Variants in PPP4R3B observed in about 807,000 individuals in gnomAD.
PPP4R3B encodes the protein serine/threonine-protein phosphatase 4 regulatory subunit 3B.
PPP4R3B carries 52 observed loss-of-function variants against 95.4 expected under a neutral mutation model. The ratio of observed to expected loss-of-function variants is 0.54; its 90% CI spans 0.44 to 0.69. The LOEUF is 0.69. PPP4R3B is among the 30% of genes least tolerant of loss of function. PPP4R3B has a pLI of 0.00. For synonymous variants in PPP4R3B, 407 were observed against 343.9 expected (o/e 1.18, Z -2.03); for missense variants, 1,003 against 1,005.9 (o/e 1.00, Z 0.04).
chr2:55,574,227 G>A (rs1688365514), intron 11 of PPP4R3B, among the ~76,000 whole-genome samples: 1 of 151,274 alleles, frequency 6.6e-6, no homozygotes. Context: ...TTAAAAGGCT[G>A]TAGATTTTTA....
chr2:55,557,078 G>A (rs917811202), intron 16 of PPP4R3B, among the ~76,000 whole-genome samples: 13 of 151,974 alleles, frequency 8.6e-5, no homozygotes, highest in African/African-American at 3.1e-4. Flanking sequence ...CGACGACGAC[G>A]ACGACGAAGC....
rs537461900 is a variant in PPP4R3B at position 55,591,287 on chromosome 2, C to A, written c.922-2331G>T. 1.3e-4 allele frequency among the ~76,000 whole-genome samples: 19 copies of A among 151,734 alleles called. No homozygotes were observed. In the South Asian group the frequency reaches 4.0e-3, roughly 32 times the overall value. ...ATGTAACAGAGACTGCGGGCACGTG[C>A]CACCATACCTGGCTATTTTTTTTTT... On this transcript the variant is annotated intron_variant, in intron 4 of 16. Transcript: ENST00000616407.
At chr2:55,565,989 T>C (rs1687247379) in intron 13 of PPP4R3B, 3 of 152,214 alleles carry the variant, frequency 2.0e-5, no homozygotes, top group South Asian at 2.1e-4. Context: ...TCCAATAGTA[T>C]AATATCTGTG....
chr2:55,564,299 C>A lies in PPP4R3B; in HGVS notation c.2260+14G>T, dbSNP rs746394398. The A allele has an allele frequency of 6.2e-7, 1 of 1,605,024 alleles. No homozygotes were observed. The highest frequency in any genetic ancestry group is 1.7e-5 in the Admixed American group (1 of 58,176). On this transcript the variant is annotated intron_variant, in intron 15 of 16. Coordinates refer to ENST00000616407, the MANE Select transcript of PPP4R3B (RefSeq NM_001122964.3). ...TAAGAGGGTACACTGTGCAAAAATTCCGAATTTTAATACCTTTTTTAGTCT... is the reference window on the plus strand; with the variant it reads ...TAAGAGGGTACACTGTGCAAAAATTACGAATTTTAATACCTTTTTTAGTCT...
At chr2:55,607,988 T>C (rs948874352) in intron 2 of PPP4R3B, among the ~76,000 whole-genome samples, 1 of 152,174 alleles carries the variant, frequency 6.6e-6, no homozygotes, top group African/African-American at 2.4e-5. Flanking sequence ...ACTGAGCACC[T>C]TTTCATCATC....
At chr2:55,591,777 G>T in intron 4 of PPP4R3B, 1 of 482,364 alleles carries the variant, frequency 2.1e-6, no homozygotes, top group Non-Finnish European at 2.7e-6. Flanking sequence ...TTTTTTCCCT[G>T]ATTTCCAGCA....
chr2:55,589,970 T>TATATATATTTAATATATTATATATATATA (rs1690756092), intron 4 of PPP4R3B, among the ~76,000 whole-genome samples: 4 of 142,136 alleles, frequency 2.8e-5, no homozygotes, highest in Non-Finnish European at 1.5e-5. Context: ...TATATATATT[T>TATATATATTTAATATATTATATATATATA]ATATATATAT....
At chr2:55,592,637 A>AT (rs1306110975) in intron 4 of PPP4R3B, among the ~76,000 whole-genome samples, 2 of 152,180 alleles carry the variant, frequency 1.3e-5, no homozygotes, top group Admixed American at 6.5e-5. Flanking sequence ...TATGTTAAAA[A>AT]GAGAACTAAA....
chr2:55,570,716 T>C (rs1389529061), intron 12 of PPP4R3B, among the ~76,000 whole-genome samples: 1 of 152,204 alleles, frequency 6.6e-6, no homozygotes, highest in East Asian at 1.9e-4. Context: ...CTTGTGCCTG[T>C]CACAAGAGGT....
chr2:55,552,277 T>C (rs1377140100), intron 16 of PPP4R3B, among the ~76,000 whole-genome samples: 3 of 152,240 alleles, frequency 2.0e-5, no homozygotes, highest in African/African-American at 7.2e-5. Context: ...TGTACTGTTT[T>C]AAAATAGCAG....
chr2:55,568,628 G>C (rs1023052508), intron 12 of PPP4R3B, among the ~76,000 whole-genome samples: 4 of 152,200 alleles, frequency 2.6e-5, no homozygotes, highest in Non-Finnish European at 5.9e-5. Flanking sequence ...AACAAAAACA[G>C]TAATTGGAAT....
intron 13 of PPP4R3B, among the ~76,000 whole-genome samples, chr2:55,567,404 A>G (rs921980560): frequency 2.0e-5 from 3 of 152,058 alleles, no homozygotes; most frequent in African/African-American, 7.2e-5. Flanking sequence ...TGCATGTTGT[A>G]TTAATGTCTA....
At chr2:55,557,641 T>C (rs186866907) in intron 16 of PPP4R3B, among the ~76,000 whole-genome samples, 3 of 152,340 alleles carry the variant, frequency 2.0e-5, no homozygotes, top group African/African-American at 7.2e-5. Flanking sequence ...TACTACTGAA[T>C]GAAAATTCTA....
Position 55,595,677 on chromosome 2 carries a change from T to C in PPP4R3B, c.921+2739A>G, listed in dbSNP as rs543896569. 2.6e-4 allele frequency among the ~76,000 whole-genome samples: 39 copies of C among 150,906 alleles called. 1 individual carries two copies. Among genetic ancestry groups the C allele is most frequent in the African/African-American group, 8.3e-4 (34 of 41,108 alleles). ...CCTGGCTTAACAAATGACAACCAGA[T>C]ACTCATTTATCTTTTCTGGCATTCA... On this transcript the variant is annotated intron_variant, in intron 4 of 16. Coordinates refer to ENST00000616407, the MANE Select transcript of PPP4R3B (RefSeq NM_001122964.3).
In PPP4R3B at chr2:55,564,465, C is replaced by A. The variant is rs769286390; in HGVS notation, c.2108G>T (p.Arg703Leu). ...CTCTTCCAAGGCTTTTGCATCTCTG[C>A]GAAATCTGTTACTACGCAATATAGA... ...VPSILRSNRF[R>L]RDAKALEEDE... Residue 703 changes from arginine (R) to leucine (L), a missense_variant, in exon 15 of 17, where the codon CGC (arginine) becomes CTC (leucine). Arg to Leu is a moderately radical substitution (Grantham distance 102). This residue lies in a region of PPP4R3B where 229 missense variants were observed against 194.7 expected (regional missense o/e 1.18). Coordinates refer to ENST00000616407, the MANE Select transcript of PPP4R3B (RefSeq NM_001122964.3). The A allele has an allele frequency of 6.2e-6, 10 of 1,611,882 alleles. No homozygotes were observed. The South Asian group carries it at 1.1e-4, about 18-fold the overall frequency.
chr2:55,562,106 C>T (rs552383979), intron 15 of PPP4R3B, among the ~76,000 whole-genome samples: 7 of 152,160 alleles, frequency 4.6e-5, no homozygotes, highest in African/African-American at 1.2e-4. Context: ...TGAGTTCTCA[C>T]GAGATCTGGT....
At chr2:55,603,602 T>C (rs969813857) in intron 3 of PPP4R3B, among the ~76,000 whole-genome samples, 4 of 152,200 alleles carry the variant, frequency 2.6e-5, no homozygotes, top group African/African-American at 9.7e-5. Flanking sequence ...TGTTGAGCAT[T>C]AGTGCCTGGT....
chr2:55,616,935 G>C (rs1336596014), intron 1 of PPP4R3B, among the ~76,000 whole-genome samples: 1 of 152,004 alleles, frequency 6.6e-6, no homozygotes, highest in Non-Finnish European at 1.5e-5. Flanking sequence ...CAATCCTTAA[G>C]AGAGATGGGA....
chr2:55,615,849 T>C (rs1041691495), intron 1 of PPP4R3B, among the ~76,000 whole-genome samples: 26 of 92,390 alleles, frequency 2.8e-4, no homozygotes, highest in Non-Finnish European at 4.2e-4. Context: ...AGAGCAAGAC[T>C]CTGTCTCCAA....
Sources: allele counts gnomAD v4.1 joint callset (sites outside exome capture counted in the v4.1 genomes callset), GRCh38; gene constraint gnomAD v4.1.1; regional missense constraint gnomAD v4.1.1; transcripts MANE v1.5; gene names NCBI Gene and HGNC (gene_info 2026-07-23, HGNC 2026-07-21).